The following OPCML variants were observed in gnomAD, a reference collection of about 807,000 sequenced individuals.
OPCML encodes opioid-binding protein/cell adhesion molecule.
A neutral mutation model predicts 37.8 loss-of-function variants in OPCML; 13 were observed. That is an observed-to-expected ratio of 0.34 (90% CI 0.22 to 0.55). The LOEUF is 0.55. Among genes scored for constraint, OPCML ranks in the 20% least tolerant of loss-of-function variants. The pLI is 0.91. For missense variants in OPCML, 341 were observed against 435.6 expected (o/e 0.78, Z 1.93); for synonymous variants, 176 against 168.8 (o/e 1.04, Z -0.33).
At chr11:132,696,761 T>A (rs916392469) in intron 2 of OPCML, among the ~76,000 whole-genome samples, 1 of 151,702 alleles carries the variant, frequency 6.6e-6, no homozygotes, top group East Asian at 1.9e-4. Context: ...CAGACACACA[T>A]GAAGATGTAG....
At chr11:132,551,794 GC>G (rs549753844) in intron 3 of OPCML, among the ~76,000 whole-genome samples, 30 of 152,238 alleles carry the variant, frequency 2.0e-4, no homozygotes, top group African/African-American at 6.7e-4. Flanking sequence ...ATCCCTGAAT[GC>G]CTGAGGAGAC....
At chr11:133,321,283 C>T (rs1439471896) in intron 1 of OPCML, among the ~76,000 whole-genome samples, 1 of 152,154 alleles carries the variant, frequency 6.6e-6, no homozygotes, top group Admixed American at 6.5e-5. Flanking sequence ...CTCCTGCTGC[C>T]ATCAGAAGCT....
chr11:132,721,425 T>C (rs2135980085), intron 2 of OPCML, among the ~76,000 whole-genome samples: 1 of 151,920 alleles, frequency 6.6e-6, no homozygotes, highest in South Asian at 2.1e-4. Context: ...TGGTAAGGGG[T>C]CACAGCTGGC....
At chr11:133,510,903 G>GCACA (rs139570053) in intron 1 of OPCML, among the ~76,000 whole-genome samples, 7,281 of 147,484 alleles carry the variant, frequency 0.049, 562 homozygotes, top group African/African-American at 0.17. Context: ...ACACACACAC[G>GCACA]CACACACACA....
At chr11:133,054,988 T>A (rs1315123577) in intron 1 of OPCML, among the ~76,000 whole-genome samples, 1 of 143,396 alleles carries the variant, frequency 7.0e-6, no homozygotes, top group African/African-American at 2.6e-5. Context: ...TATCGTACAA[T>A]GCTGCCTCCA....
chr11:133,271,514 T>C (rs1354669909), intron 1 of OPCML, among the ~76,000 whole-genome samples: 1 of 152,216 alleles, frequency 6.6e-6, no homozygotes, highest in African/African-American at 2.4e-5. Context: ...ATAATGATAC[T>C]AATTAGCTTC....
At position 132,539,450 on chromosome 11, in the gene OPCML, CCT is replaced by C. The variant is rs949162814; in HGVS notation, c.380-10266_380-10265del. 3.9e-4 allele frequency among the ~76,000 whole-genome samples: 60 copies of C among 152,208 alleles called. 1 individual carries two copies. The highest frequency in any genetic ancestry group is 1.3e-3 in the African/African-American group (54 of 41,510). On this transcript the variant is annotated intron_variant, in intron 3 of 7. Transcript: ENST00000524381. ...GAACTTACAGATTCTTTGAATAAAC[CCT>C]GAGATTTTCAATCTTTTTGTAACAG...
At chr11:132,548,198 G>A (rs2096373226) in intron 3 of OPCML, among the ~76,000 whole-genome samples, 1 of 152,216 alleles carries the variant, frequency 6.6e-6, no homozygotes, top group Non-Finnish European at 1.5e-5. Context: ...GAAGGCATAG[G>A]AGCTTGGTGG....
intron 1 of OPCML, among the ~76,000 whole-genome samples, chr11:133,036,786 G>A: frequency 6.6e-6 from 1 of 152,232 alleles, no homozygotes; most frequent in East Asian, 1.9e-4. Flanking sequence ...AGAACTGGCA[G>A]CTTAAGTTTA....
chr11:133,007,729 A>G, intron 1 of OPCML: 1 of 985,316 alleles, frequency 1.0e-6, no homozygotes, highest in East Asian at 1.1e-4. Flanking sequence ...ATGGAAGCAG[A>G]CCCAGGCCCA....
At chr11:132,779,945 ATT>A (rs936745865) in intron 2 of OPCML, among the ~76,000 whole-genome samples, 4 of 151,830 alleles carry the variant, frequency 2.6e-5, no homozygotes, top group Admixed American at 2.6e-4. Flanking sequence ...TTCTTTACTT[ATT>A]TTTTTGTTGT....
chr11:133,112,655 G>C (rs753709941), intron 1 of OPCML, among the ~76,000 whole-genome samples: 3 of 152,108 alleles, frequency 2.0e-5, no homozygotes, highest in Non-Finnish European at 4.4e-5. Flanking sequence ...TGAATGCTTT[G>C]ATAGGTGAAT....
intron 4 of OPCML, among the ~76,000 whole-genome samples, chr11:132,438,481 G>C (rs929532358): frequency 2.0e-5 from 3 of 151,972 alleles, no homozygotes; most frequent in Non-Finnish European, 4.4e-5. Context: ...TGTCTGTGGA[G>C]GGGGTGGGCC....
intron 1 of OPCML, among the ~76,000 whole-genome samples, chr11:133,266,732 A>G (rs1941670043): frequency 1.3e-5 from 2 of 152,184 alleles, no homozygotes; most frequent in Admixed American, 1.3e-4. Context: ...GGGAATGAGG[A>G]TGGGTTGAGT....
chr11:133,059,244 G>A (rs1238402564), intron 1 of OPCML, among the ~76,000 whole-genome samples: 1 of 152,122 alleles, frequency 6.6e-6, no homozygotes, highest in Admixed American at 6.5e-5. Context: ...ACATCTAAAG[G>A]GTTTCTGGTC....
intron 3 of OPCML, among the ~76,000 whole-genome samples, chr11:132,629,381 A>C (rs1160027814): frequency 6.6e-6 from 1 of 152,202 alleles, no homozygotes; most frequent in African/African-American, 2.4e-5. Context: ...ATAAATGAGA[A>C]TTATATGCAA....
intron 1 of OPCML, among the ~76,000 whole-genome samples, chr11:133,085,236 G>A (rs1216235522): frequency 1.3e-5 from 2 of 152,192 alleles, no homozygotes; most frequent in African/African-American, 2.4e-5. Flanking sequence ...CTCCACAGTA[G>A]AACTACAGAT....
At chr11:132,742,149 G>A (rs1054736722) in intron 2 of OPCML, among the ~76,000 whole-genome samples, 2 of 152,166 alleles carry the variant, frequency 1.3e-5, no homozygotes, top group African/African-American at 2.4e-5. Flanking sequence ...AGTCAGTGAC[G>A]TAACCGCAGT....
At chr11:132,586,349 A>T (rs2096472648) in intron 3 of OPCML, among the ~76,000 whole-genome samples, 1 of 152,204 alleles carries the variant, frequency 6.6e-6, no homozygotes, top group Non-Finnish European at 1.5e-5. Context: ...TCTTTCTCCT[A>T]CACAAGTCAG....
Sources: allele counts gnomAD v4.1 joint callset (sites outside exome capture counted in the v4.1 genomes callset), GRCh38; gene constraint gnomAD v4.1.1; transcripts MANE v1.5; gene names NCBI Gene and HGNC (gene_info 2026-07-23, HGNC 2026-07-21).